Variants in COL26A1 observed in about 807,000 individuals in gnomAD.
COL26A1 encodes collagen type XXVI alpha 1 chain.
Under a neutral mutation model 59.3 loss-of-function variants are expected in COL26A1, and 41 were observed. That is an observed-to-expected ratio of 0.69 (90% CI 0.54 to 0.90). COL26A1 has a LOEUF of 0.90. Among genes scored for constraint, COL26A1 ranks in the 40% least tolerant of loss-of-function variants. The probability of loss-of-function intolerance (pLI) is 0.00; values close to 1 mark genes in which losing one functional copy is unlikely to be tolerated. For synonymous variants in COL26A1, 266 were observed against 256.0 expected (o/e 1.04, Z -0.37); for missense variants, 612 against 602.3 (o/e 1.02, Z -0.17).
At chr7:101,486,797 T>C (rs1228678189) in intron 3 of COL26A1, among the ~76,000 whole-genome samples, 2 of 152,222 alleles carry the variant, frequency 1.3e-5, no homozygotes, top group African/African-American at 4.8e-5. Context: ...CCACGTTTCC[T>C]CCTGCCCAGC....
rs1041827525 is a variant in COL26A1, at chr7:101,524,702, G to T, written c.386-8380G>T. Among the ~76,000 whole-genome samples the T allele has an allele frequency of 5.3e-5, 8 of 152,072 alleles. 1 individual carries two copies. The highest frequency in any genetic ancestry group is 8.8e-5 in the Non-Finnish European group (6 of 68,012). Reference sequence around the variant, plus strand: ...ATACTTTATGATGCTTTTGTACATGGTATCACTTAATTTCTTTTTCTATTT... The same window carrying T: ...ATACTTTATGATGCTTTTGTACATGTTATCACTTAATTTCTTTTTCTATTT... On this transcript the variant is annotated intron_variant, in intron 3 of 12. Transcript: ENST00000313669.
At chr7:101,397,543 CTT>C (rs370220726) in intron 1 of COL26A1, among the ~76,000 whole-genome samples, 2 of 126,032 alleles carry the variant, frequency 1.6e-5, no homozygotes, top group Non-Finnish European at 1.6e-5. Context: ...CCCCCCCCTC[CTT>C]TTTTTTTTTG....
intron 3 of COL26A1, among the ~76,000 whole-genome samples, chr7:101,495,685 C>T (rs536856605): frequency 1.4e-4 from 21 of 150,268 alleles, no homozygotes; most frequent in Admixed American, 1.3e-3. Context: ...TCCCAAAGTG[C>T]TGGGATTACA....
chr7:101,366,213 C>T (rs1791041964), intron 1 of COL26A1, among the ~76,000 whole-genome samples: 1 of 152,150 alleles, frequency 6.6e-6, no homozygotes, highest in Admixed American at 6.6e-5. Context: ...CTGGTTGTTG[C>T]CTGGGTGAGT....
At chr7:101,374,485 C>T (rs941751157) in intron 1 of COL26A1, among the ~76,000 whole-genome samples, 5 of 152,214 alleles carry the variant, frequency 3.3e-5, no homozygotes, top group Admixed American at 2.0e-4. Flanking sequence ...AGCTGCTGCC[C>T]TCGCTCGCAT....
intron 3 of COL26A1, among the ~76,000 whole-genome samples, chr7:101,501,507 A>T (rs962996505): frequency 6.6e-6 from 1 of 152,138 alleles, no homozygotes; most frequent in Non-Finnish European, 1.5e-5. Context: ...TTCCATATTC[A>T]CCAGACACCG....
chr7:101,555,793 G>A lies in COL26A1; in HGVS notation c.1087G>A (p.Gly363Arg), dbSNP rs933323619. 5 of 1,609,594 alleles carry A rather than the reference G, an allele frequency of 3.1e-6. No homozygotes were observed. In the African/African-American group the frequency reaches 4.0e-5, roughly 13 times the overall value. The change falls in exon 12 of 13, where the codon GGG (glycine) becomes AGG (arginine). Residue 363 changes from glycine to arginine, a missense_variant. Coordinates refer to ENST00000313669, the MANE Select transcript of COL26A1 (RefSeq NM_001278563.3). ...GEKAATAEGEGVQQLREALKI... is the reference protein window; with the variant it reads ...GEKAATAEGERVQQLREALKI... ...CCTGTTTCCTCCCCGCCAGGGCGAG[G>A]GGGTGCAGCAGCTGAGAGAGGCCCT...
intron 1 of COL26A1, among the ~76,000 whole-genome samples, chr7:101,412,422 A>C (rs1403461052): frequency 2.0e-5 from 3 of 152,248 alleles, no homozygotes; most frequent in South Asian, 4.1e-4. Flanking sequence ...AGGCGGGCAG[A>C]TCATTTGAGG....
intron 3 of COL26A1, among the ~76,000 whole-genome samples, chr7:101,501,506 C>T (rs1017967332): frequency 1.3e-5 from 2 of 152,228 alleles, no homozygotes; most frequent in African/African-American, 4.8e-5. Context: ...CTTCCATATT[C>T]ACCAGACACC....
At chr7:101,507,537 TC>T (rs1794837636) in intron 3 of COL26A1, among the ~76,000 whole-genome samples, 1 of 146,234 alleles carries the variant, frequency 6.8e-6, no homozygotes, top group South Asian at 2.2e-4. Context: ...TCCTCCCACT[TC>T]CCCATCCTGA....
At chr7:101,367,120 T>C (rs1791065943) in intron 1 of COL26A1, among the ~76,000 whole-genome samples, 1 of 152,174 alleles carries the variant, frequency 6.6e-6, no homozygotes, top group Non-Finnish European at 1.5e-5. Flanking sequence ...GAAGTTAGGT[T>C]GGAAGGTTTG....
At chr7:101,411,756 G>T (rs912907579) in intron 1 of COL26A1, among the ~76,000 whole-genome samples, 2 of 152,006 alleles carry the variant, frequency 1.3e-5, no homozygotes, top group Admixed American at 1.3e-4. Flanking sequence ...TCAACAGGGG[G>T]CCAGGACAGA....
Position 101,557,764 on chromosome 7 carries a change from TG to T in COL26A1, c.*236del. 2.1e-6 allele frequency: 1 copy of T among 468,628 alleles called. No individual in the cohort carries two copies. The highest frequency in any genetic ancestry group is 3.2e-5 in the East Asian group (1 of 31,070). The allele number at this position is 468,628 out of a possible 1,614,324, so 29.0% of individuals were successfully genotyped here. On this transcript the variant is annotated 3_prime_UTR_variant, in exon 13 of 13. Transcript: ENST00000313669. ...CCCCTCCCCTACCCCCACTCCCGGC[TG>T]GAGACGGGGTCTGGGTGGGCTGGGT...
intron 1 of COL26A1, among the ~76,000 whole-genome samples, chr7:101,394,779 G>C (rs1257038914): frequency 6.6e-6 from 1 of 150,502 alleles, no homozygotes; most frequent in Non-Finnish European, 1.5e-5. Context: ...TCCTGACTCT[G>C]TGTCTCTGAG....
intron 3 of COL26A1, among the ~76,000 whole-genome samples, chr7:101,520,113 G>C (rs1859628): frequency 6.6e-6 from 1 of 152,156 alleles, no homozygotes; most frequent in South Asian, 2.1e-4. Flanking sequence ...AGTCCCAGCT[G>C]TTTATCCAGG....
In COL26A1 at chr7:101,438,795, C is replaced by T. The variant is rs187895446; in HGVS notation, c.282-8889C>T. Among the ~76,000 whole-genome samples, 1,106 of 151,500 alleles carry T rather than the reference C, an allele frequency of 7.3e-3. 42 individuals are homozygous for T. The highest frequency in any genetic ancestry group is 0.04 in the South Asian group (195 of 4,816). Reference sequence around the variant, plus strand: ...AAGCAATTCTCCTGCCTCAGCCTCCCAAGTAGCTGGGATCACAGGCGTGCA... The same window carrying T: ...AAGCAATTCTCCTGCCTCAGCCTCCTAAGTAGCTGGGATCACAGGCGTGCA... On this transcript the variant is annotated intron_variant, in intron 2 of 12. Coordinates refer to ENST00000313669, the MANE Select transcript of COL26A1 (RefSeq NM_001278563.3).
intron 4 of COL26A1, among the ~76,000 whole-genome samples, chr7:101,538,526 C>T (rs959158275): frequency 2.0e-5 from 3 of 152,220 alleles, no homozygotes; most frequent in African/African-American, 7.2e-5. Context: ...GTTTCATGGA[C>T]CCTTCTAAGG....
intron 3 of COL26A1, among the ~76,000 whole-genome samples, chr7:101,519,409 C>T (rs1334355157): frequency 6.6e-6 from 1 of 152,192 alleles, no homozygotes; most frequent in Admixed American, 6.5e-5. Flanking sequence ...CTTCTGGGCT[C>T]AAGCGATCAT....
At chr7:101,368,488 C>T (rs1453721885) in intron 1 of COL26A1, among the ~76,000 whole-genome samples, 2 of 152,212 alleles carry the variant, frequency 1.3e-5, no homozygotes, top group African/African-American at 4.8e-5. Flanking sequence ...AGGGATACCC[C>T]ATAGGCAGTG....
Sources: gnomAD v4.1 joint callset for allele counts (sites outside exome capture counted in the v4.1 genomes callset) on GRCh38, gnomAD v4.1.1 for gene constraint, MANE v1.5 for transcripts, NCBI Gene and HGNC (gene_info 2026-07-23, HGNC 2026-07-21) for gene names.